Variants in BDP1 observed in about 807,000 individuals in gnomAD.
The protein encoded by BDP1 is BDP1 general transcription factor IIIB subunit, also known as transcription factor TFIIIB component B'' homolog.
A neutral mutation model predicts 266.6 loss-of-function variants in BDP1; 169 were observed. The ratio of observed to expected loss-of-function variants is 0.63; its 90% CI spans 0.56 to 0.72. The LOEUF (loss-of-function observed/expected upper bound fraction) is 0.72. Ranked by LOEUF, BDP1 falls within the 30% of genes least tolerant of loss-of-function variation. BDP1 has a pLI of 0.00. For synonymous variants in BDP1, 1,090 were observed against 1,022.4 expected, an observed-to-expected ratio of 1.07 and a Z score of -1.26; for missense variants, 3,015 against 3,053.8, an observed-to-expected ratio of 0.99 and a Z score of 0.30.
intron 36 of BDP1, among the ~76,000 whole-genome samples, chr5:71,557,536 C>T (rs1743315266): frequency 6.6e-6 from 1 of 152,016 alleles, no homozygotes; most frequent in African/African-American, 2.4e-5. Flanking sequence ...AGGCACCTGC[C>T]ACCACGCCCA....
chr5:71,502,057 T>G (rs530963431), intron 14 of BDP1, among the ~76,000 whole-genome samples: 86 of 152,298 alleles, frequency 5.6e-4, no homozygotes, highest in Admixed American at 2.1e-3. Flanking sequence ...TCTACATTAT[T>G]CTATAGTATC....
intron 36 of BDP1, 30 bp downstream of exon 36, chr5:71,556,955 A>G: frequency 1.6e-6 from 2 of 1,267,512 alleles, no homozygotes; most frequent in Non-Finnish European, 2.1e-6. Context: ...ACATGATTGC[A>G]TTTTGCTAAA....
the BDP1 span, among the ~76,000 whole-genome samples, chr5:71,577,990 C>G: frequency 9.7e-4 from 147 of 152,316 alleles, 4 homozygotes; most frequent in East Asian, 0.023. Context: ...CATGATCAAA[C>G]AGCAAACTGT....
intron 36 of BDP1, among the ~76,000 whole-genome samples, chr5:71,558,689 G>A (rs1469537025): frequency 6.6e-6 from 1 of 152,062 alleles, no homozygotes; most frequent in South Asian, 2.1e-4. Flanking sequence ...AGCTGGGCGT[G>A]GTGGCGGGCA....
downstream of BDP1, among the ~76,000 whole-genome samples, chr5:71,572,291 C>A (rs467883): frequency 1.3e-5 from 2 of 151,918 alleles, no homozygotes; most frequent in African/African-American, 2.4e-5. Flanking sequence ...TCTTTATTCC[C>A]GCATTCATCC....
intron 8 of BDP1, among the ~76,000 whole-genome samples, chr5:71,486,280 T>C (rs779934533): frequency 1.9e-4 from 29 of 152,184 alleles, no homozygotes; most frequent in Admixed American, 5.2e-4. Flanking sequence ...GTTTCGTTGC[T>C]GAGTGGTGTT....
At chr5:71,488,270 C>T (rs1763386338) in intron 9 of BDP1, among the ~76,000 whole-genome samples, 1 of 152,000 alleles carries the variant, frequency 6.6e-6, no homozygotes, top group Non-Finnish European at 1.5e-5. Context: ...GAATTACAGG[C>T]ATGTGCCACC....
chr5:71,523,063 A>G, intron 24 of BDP1, 114 bp downstream of exon 24: 1 of 712,066 alleles, frequency 1.4e-6, no homozygotes, highest in South Asian at 2.4e-5. Flanking sequence ...AGACATGGGT[A>G]GAAACTTGAC....
chr5:71,559,562 TTAGC>T (rs1416058860), intron 36 of BDP1, among the ~76,000 whole-genome samples: 1 of 152,242 alleles, frequency 6.6e-6, no homozygotes, highest in African/African-American at 2.4e-5. Context: ...AGAGAATTCT[TTAGC>T]TAAACTTGAG....
intron 11 of BDP1, among the ~76,000 whole-genome samples, chr5:71,491,422 A>G (rs986267086): frequency 2.0e-5 from 3 of 146,610 alleles, no homozygotes; most frequent in African/African-American, 5.1e-5. Flanking sequence ...TGGGTTTATC[A>G]TTTTCTGTAA....
intron 25 of BDP1, among the ~76,000 whole-genome samples, chr5:71,531,153 G>A (rs981324977): frequency 6.6e-6 from 1 of 152,092 alleles, no homozygotes; most frequent in African/African-American, 2.4e-5. Context: ...GCCATACAAC[G>A]TTTTATACTG....
chr5:71,515,895 T>G lies in BDP1; in HGVS notation c.4650-166T>G, dbSNP rs371395150. 1.6e-4 allele frequency among the ~76,000 whole-genome samples: 24 copies of G among 152,360 alleles called. No individual in the cohort carries two copies. The East Asian group carries it at 3.9e-3, about 24-fold the overall frequency. On this transcript the variant is annotated intron_variant, in intron 20 of 38. Transcript: ENST00000358731. ...CCTTTTAAGAATTGACATAACTGTT[T>G]TCTTTTGTAAAATAAGATGTTTATA...
chr5:71,521,581 C>T (rs954668301), intron 22 of BDP1, among the ~76,000 whole-genome samples: 11 of 152,254 alleles, frequency 7.2e-5, no homozygotes, highest in South Asian at 2.1e-4. Context: ...CGTGAGCCAC[C>T]GTGCCTGGTC....
At chr5:71,479,377 C>G (rs1307553989) in intron 7 of BDP1, among the ~76,000 whole-genome samples, 1 of 151,930 alleles carries the variant, frequency 6.6e-6, no homozygotes, top group Non-Finnish European at 1.5e-5. Context: ...CATTTCTCTG[C>G]TGAGATTTCC....
intron 10 of BDP1, 49 bp from the exon 11 acceptor site, chr5:71,490,935 G>T: frequency 6.4e-7 from 1 of 1,558,248 alleles, no homozygotes; most frequent in African/African-American, 1.4e-5. Context: ...CTCTAAAAAA[G>T]ATGTTTTTGC....
At chr5:71,548,041 G>A (rs1431300566) in intron 32 of BDP1, among the ~76,000 whole-genome samples, 3 of 152,286 alleles carry the variant, frequency 2.0e-5, no homozygotes, top group African/African-American at 7.2e-5. Context: ...CCAGCACTTT[G>A]GGAGGCCTAG....
At chr5:71,577,827 T>C in the BDP1 span, among the ~76,000 whole-genome samples, 1 of 152,174 alleles carries the variant, frequency 6.6e-6, no homozygotes, top group Non-Finnish European at 1.5e-5. Flanking sequence ...CTGTTCATAG[T>C]CTGTAAAATC....
chr5:71,477,862 T>G (rs1212341144), intron 7 of BDP1, among the ~76,000 whole-genome samples: 1 of 152,084 alleles, frequency 6.6e-6, no homozygotes, highest in Non-Finnish European at 1.5e-5. Flanking sequence ...TCAAGCAATC[T>G]GCCGCCTCAG....
At chr5:71,504,967 T>G (rs1405803287) in intron 16 of BDP1, among the ~76,000 whole-genome samples, 1 of 152,190 alleles carries the variant, frequency 6.6e-6, no homozygotes, top group East Asian at 1.9e-4. Flanking sequence ...CATCGTAAAT[T>G]AGTACTTGAG....
Sources: allele counts gnomAD v4.1 joint callset (sites outside exome capture counted in the v4.1 genomes callset), GRCh38; gene constraint gnomAD v4.1.1; transcripts MANE v1.5; gene names NCBI Gene and HGNC (gene_info 2026-07-23, HGNC 2026-07-21).